Variants in USP24 observed in about 807,000 individuals in gnomAD.
USP24 encodes the protein ubiquitin specific peptidase 24.
In USP24, 97 loss-of-function variants were observed where a neutral mutation model predicts 361.6. The observed-to-expected ratio is 0.27, with a 90% CI of 0.23 to 0.32. The LOEUF is 0.32. USP24 is among the 10% of genes least tolerant of loss of function. The probability of loss-of-function intolerance (pLI) is 1.00; values close to 1 mark genes in which losing one functional copy is unlikely to be tolerated. For missense variants in USP24, 2,353 were observed against 3,165.6 expected, an observed-to-expected ratio of 0.74 and a Z score of 6.16; for synonymous variants, 1,098 against 1,124.6, an observed-to-expected ratio of 0.98 and a Z score of 0.47.
intron 66 of USP24, 65 bp downstream of exon 66, chr1:55,072,252 G>C: frequency 7.1e-7 from 1 of 1,413,010 alleles, no homozygotes; most frequent in Non-Finnish European, 9.8e-7. Flanking sequence ...TGCAGTTTCT[G>C]AGAAACACAC....
intron 31 of USP24, 111 bp from the exon 32 acceptor site, chr1:55,129,685 C>A (rs183211043): frequency 2.2e-5 from 16 of 723,398 alleles, no homozygotes; most frequent in Admixed American, 1.1e-4. Flanking sequence ...AAATGTTGCA[C>A]ACTGTTTTTC....
intron 50 of USP24, 63 bp downstream of exon 50, chr1:55,096,435 T>C: frequency 7.7e-7 from 1 of 1,302,220 alleles, no homozygotes; most frequent in Non-Finnish European, 1.0e-6. Flanking sequence ...AGAATACTAT[T>C]AATTTTTATA....
chr1:55,098,342 T>G, intron 46 of USP24, 134 bp downstream of exon 46: 2 of 899,282 alleles, frequency 2.2e-6, no homozygotes, highest in Non-Finnish European at 3.2e-6. Flanking sequence ...GAAATTTAAG[T>G]CACTAAATAC....
intron 9 of USP24, among the ~76,000 whole-genome samples, chr1:55,159,276 T>C (rs571264196): frequency 1.3e-5 from 2 of 152,316 alleles, no homozygotes; most frequent in South Asian, 4.1e-4. Flanking sequence ...TAAATTTAAA[T>C]GGTAAAATTG....
chr1:55,106,283 T>C lies in USP24; in HGVS notation c.4763-20A>G. Reference sequence around the variant, plus strand: ...ATGAACCTGGAATAGAGCATAATATTCATGTTGAAGATGAACACATATTTT... The same window carrying C: ...ATGAACCTGGAATAGAGCATAATATCCATGTTGAAGATGAACACATATTTT... On this transcript the variant is annotated intron_variant, in intron 40 of 67. Transcript: ENST00000294383. The C allele has an allele frequency of 6.4e-7, 1 of 1,554,498 alleles. No homozygotes were observed. The highest frequency in any genetic ancestry group is 8.9e-7 in the Non-Finnish European group (1 of 1,127,498).
At chr1:55,143,780 A>G (rs1422690717) in intron 21 of USP24, among the ~76,000 whole-genome samples, 2 of 152,104 alleles carry the variant, frequency 1.3e-5, no homozygotes, top group African/African-American at 4.8e-5. Context: ...TTTTAGGTAC[A>G]TGTGAATTGC....
chr1:55,117,008 A>C (rs2100578776), intron 38 of USP24, among the ~76,000 whole-genome samples: 1 of 152,272 alleles, frequency 6.6e-6, no homozygotes, highest in East Asian at 1.9e-4. Context: ...AGTGGGATTG[A>C]CTCCTGGAAT....
chr1:55,155,471 T>C (rs1647542542), intron 12 of USP24, among the ~76,000 whole-genome samples: 1 of 152,192 alleles, frequency 6.6e-6, no homozygotes, highest in South Asian at 2.1e-4. Context: ...AATATATAAA[T>C]CATGGTCTCT....
At chr1:55,136,654 T>G (rs1311193866) in intron 28 of USP24, among the ~76,000 whole-genome samples, 1 of 152,088 alleles carries the variant, frequency 6.6e-6, no homozygotes, top group Non-Finnish European at 1.5e-5. Context: ...AAGAATTTGG[T>G]CATGGACACG....
chr1:55,188,445 T>C (rs1292211956), intron 1 of USP24, among the ~76,000 whole-genome samples: 1 of 151,702 alleles, frequency 6.6e-6, no homozygotes. Context: ...TTGCAAATCA[T>C]AGATCTGATA....
At chr1:55,195,105 C>A (rs1644383235) in intron 1 of USP24, among the ~76,000 whole-genome samples, 1 of 152,190 alleles carries the variant, frequency 6.6e-6, no homozygotes, top group Admixed American at 6.5e-5. Context: ...TCAGAAAGCT[C>A]CATTTGCTCC....
At chr1:55,107,839 C>T (rs369472102) in intron 39 of USP24, among the ~76,000 whole-genome samples, 88 of 3,390 alleles carry the variant, frequency 0.026, no homozygotes, top group Non-Finnish European at 0.08. Context: ...AAGACTCTGT[C>T]TCAAAAAAAA....
chr1:55,143,890 A>C (rs1401518303), intron 21 of USP24, among the ~76,000 whole-genome samples: 1 of 152,128 alleles, frequency 6.6e-6, no homozygotes, highest in Non-Finnish European at 1.5e-5. Context: ...AGAAACAGAG[A>C]GATGTGAGAG....
intron 15 of USP24, 50 bp from the exon 16 acceptor site, chr1:55,153,967 C>G: frequency 1.3e-6 from 2 of 1,541,788 alleles, no homozygotes; most frequent in South Asian, 2.4e-5. Flanking sequence ...AAAGCAATAC[C>G]TATAATTTCC....
chr1:55,124,079 A>C lies in USP24; in HGVS notation c.4120+390T>G, dbSNP rs146832313. Reference sequence around the variant, plus strand: ...GAAGACCAAATAAAGCTGGGAAATAAAGCTATATTTTAAAGAGGCCTAATG... The same window carrying C: ...GAAGACCAAATAAAGCTGGGAAATACAGCTATATTTTAAAGAGGCCTAATG... On this transcript the variant is annotated intron_variant, in intron 35 of 67. Transcript: ENST00000294383. Among the ~76,000 whole-genome samples the C allele has an allele frequency of 4.2e-3, 646 of 152,350 alleles. 2 individuals are homozygous for C. The highest frequency in any genetic ancestry group is 0.014 in the African/African-American group (598 of 41,580).
At chr1:55,130,011 G>A (rs901488224) in intron 31 of USP24, among the ~76,000 whole-genome samples, 3 of 152,202 alleles carry the variant, frequency 2.0e-5, no homozygotes, top group Admixed American at 6.5e-5. Flanking sequence ...TCAGGCATAT[G>A]TATTTTACTT....
In USP24 at chr1:55,172,533, A is replaced by G; in HGVS notation, c.559-13T>C. 1 of 1,607,014 alleles carries G rather than the reference A, an allele frequency of 6.2e-7. No individual in the cohort carries two copies. The highest frequency in any genetic ancestry group is 8.5e-7 in the Non-Finnish European group (1 of 1,177,082). On this transcript the variant is annotated splice_polypyrimidine_tract_variant and intron_variant, in intron 3 of 67. Coordinates refer to ENST00000294383, the MANE Select transcript of USP24 (RefSeq NM_015306.3). ...TTGATGTCAGGAGCTATAAAAACATAAAGGGCAATCTAGAGTCTAACTTGA... is the reference window on the plus strand; with the variant it reads ...TTGATGTCAGGAGCTATAAAAACATGAAGGGCAATCTAGAGTCTAACTTGA...
At chr1:55,164,802 ATTT>A (rs879467445) in intron 7 of USP24, among the ~76,000 whole-genome samples, 1 of 143,650 alleles carries the variant, frequency 7.0e-6, no homozygotes, top group Non-Finnish European at 1.5e-5. Context: ...AGTGCTCTGT[ATTT>A]TTTTTTTTTT....
intron 39 of USP24, among the ~76,000 whole-genome samples, chr1:55,108,363 T>G (rs757365165): frequency 3.3e-5 from 5 of 152,202 alleles, no homozygotes; most frequent in Admixed American, 6.5e-5. Flanking sequence ...CTACTTCCAC[T>G]GCACTATAGT....
Sources: allele counts gnomAD v4.1 joint callset (sites outside exome capture counted in the v4.1 genomes callset), GRCh38; gene constraint gnomAD v4.1.1; transcripts MANE v1.5; gene names NCBI Gene and HGNC (gene_info 2026-07-23, HGNC 2026-07-21).